Variants in LAMA3 observed in about 807,000 individuals in gnomAD.
LAMA3 encodes the protein laminin subunit alpha-3.
LAMA3 carries 281 observed loss-of-function variants against 402.0 expected under a neutral mutation model. The ratio of observed to expected loss-of-function variants is 0.70; its 90% CI spans 0.63 to 0.77. LAMA3 has a LOEUF of 0.77. LAMA3 is among the 30% of genes least tolerant of loss of function. The probability of loss-of-function intolerance (pLI) is 0.00; values close to 1 mark genes in which losing one functional copy is unlikely to be tolerated. For synonymous variants in LAMA3, 1,431 were observed against 1,558.4 expected (o/e 0.92, Z 1.93); for missense variants, 3,840 against 4,215.5 (o/e 0.91, Z 2.47).
chr18:23,776,057 A>C, intron 10 of LAMA3, 134 bp downstream of exon 10: 1 of 901,368 alleles, frequency 1.1e-6, no homozygotes, highest in Non-Finnish European at 1.8e-6. Flanking sequence ...TATTTATGTA[A>C]AAGTGTTTCT....
At chr18:23,778,796 C>T (rs2062376399) in intron 11 of LAMA3, among the ~76,000 whole-genome samples, 3 of 152,310 alleles carry the variant, frequency 2.0e-5, no homozygotes, top group Non-Finnish European at 2.9e-5. Context: ...TGCAGCGCCA[C>T]GGTGTGGGCC....
At chr18:23,898,419 CTG>C (rs777135700) in intron 44 of LAMA3, 1 of 292,694 alleles carries the variant, frequency 3.4e-6, no homozygotes, top group Non-Finnish European at 6.4e-6. Context: ...TTTTAAAAAA[CTG>C]TATTTATTAT....
At chr18:23,730,787 G>A (rs2061381695) in intron 2 of LAMA3, among the ~76,000 whole-genome samples, 3 of 151,938 alleles carry the variant, frequency 2.0e-5, no homozygotes, top group East Asian at 1.9e-4. Flanking sequence ...CTTAGAATAC[G>A]CTGTCCGGGC....
At chr18:23,812,886 T>C (rs1376527318) in intron 13 of LAMA3, among the ~76,000 whole-genome samples, 171 bp from the exon 14 acceptor site, 1 of 152,256 alleles carries the variant, frequency 6.6e-6, no homozygotes, top group Non-Finnish European at 1.5e-5. Context: ...GGACCATAAA[T>C]GTCATTCAAG....
At chr18:23,700,273 C>T (rs754147214) in intron 1 of LAMA3, among the ~76,000 whole-genome samples, 1 of 152,122 alleles carries the variant, frequency 6.6e-6, no homozygotes, top group African/African-American at 2.4e-5. Flanking sequence ...TCCAAGAACC[C>T]TCTTGGAGCC....
intron 1 of LAMA3, among the ~76,000 whole-genome samples, chr18:23,698,596 G>A (rs572375624): frequency 4.6e-5 from 7 of 152,292 alleles, no homozygotes; most frequent in South Asian, 2.1e-4. Context: ...TTAATTGACC[G>A]CTTTAACAGC....
At position 23,914,759 on chromosome 18, in the gene LAMA3, C is replaced by G. The variant is rs925791643; in HGVS notation, c.7543C>G (p.Pro2515Ala). ...AGCCACATCCAGTAAACCAGAAACACCCGGAGTCTATGACATGGATGGTAG... is the reference window on the plus strand; with the variant it reads ...AGCCACATCCAGTAAACCAGAAACAGCCGGAGTCTATGACATGGATGGTAG... Reference protein sequence around the residue: ...KGATSSKPETPGVYDMDGRNS... With the variant: ...KGATSSKPETAGVYDMDGRNS... Residue 2515 changes from proline to alanine, a missense_variant, in exon 58 of 75, where the codon CCC becomes GCC. Pro to Ala is a conservative substitution (Grantham distance 27). This residue lies in a region of LAMA3 where 891 missense variants were observed against 857.5 expected (regional missense o/e 1.04). Transcript: ENST00000313654. 8 of 1,613,310 alleles carry G rather than the reference C, an allele frequency of 5.0e-6. No homozygotes were observed. The highest frequency in any genetic ancestry group is 4.5e-5 in the East Asian group (2 of 44,892).
intron 12 of LAMA3, among the ~76,000 whole-genome samples, chr18:23,787,829 G>A (rs1237290928): frequency 2.0e-5 from 3 of 152,018 alleles, no homozygotes; most frequent in Non-Finnish European, 2.9e-5. Flanking sequence ...CATAATAAAG[G>A]ATGTTCTTAA....
At chr18:23,940,860 T>C (rs2082478408) in intron 68 of LAMA3, among the ~76,000 whole-genome samples, 1 of 152,008 alleles carries the variant, frequency 6.6e-6, no homozygotes, top group African/African-American at 2.4e-5. Context: ...TGGCTACTCC[T>C]TGGTAGGGAG....
chr18:23,869,220 C>T (rs1337768884), intron 37 of LAMA3, among the ~76,000 whole-genome samples: 1 of 152,142 alleles, frequency 6.6e-6, no homozygotes, highest in Non-Finnish European at 1.5e-5. Context: ...AAATGGCACA[C>T]AATGTATAAA....
chr18:23,815,884 T>G (rs2063166270), intron 17 of LAMA3, among the ~76,000 whole-genome samples: 1 of 152,206 alleles, frequency 6.6e-6, no homozygotes, highest in Non-Finnish European at 1.5e-5. Context: ...TATTTTATAT[T>G]ATCAAAAATG....
rs2143577235 is a variant in LAMA3 at position 23,751,238 on chromosome 18, A to G, written c.855+150A>G. 5 of 747,348 alleles carry G rather than the reference A, an allele frequency of 6.7e-6. No homozygotes were observed. The East Asian group carries it at 1.3e-4, about 20-fold the overall frequency. 46.3% of individuals were successfully genotyped at this position (747,348 alleles called of 1,614,324 possible). ...CTTATCTGAAATACTAGATATAATT[A>G]GGAGTTTATATCTAATGACTTATAA... On this transcript the variant is annotated intron_variant, in intron 5 of 74. Coordinates refer to ENST00000313654, the MANE Select transcript of LAMA3 (RefSeq NM_198129.4).
intron 13 of LAMA3, among the ~76,000 whole-genome samples, chr18:23,812,333 C>T (rs2063090496): frequency 6.6e-6 from 1 of 152,222 alleles, no homozygotes; most frequent in Middle Eastern, 3.4e-3. Context: ...CAGAGCAAGA[C>T]CCTGTCTCAA....
Position 23,747,997 on chromosome 18 carries a change from C to G in LAMA3, c.502C>G (p.Leu168Val). The G allele has an allele frequency of 6.2e-7, 1 of 1,613,754 alleles. No individual in the cohort carries two copies. Among genetic ancestry groups the G allele is most frequent in the Non-Finnish European group, 8.5e-7 (1 of 1,179,652 alleles). ...ATTTGCAAATTCTCCTCGCCCTGATCTTTGGGTCTTGGAAAGATCTGTAGA... is the reference window on the plus strand; with the variant it reads ...ATTTGCAAATTCTCCTCGCCCTGATGTTTGGGTCTTGGAAAGATCTGTAGA... Reference protein sequence around the residue: ...IKFANSPRPDLWVLERSVDFG... With the variant: ...IKFANSPRPDVWVLERSVDFG... The change falls in exon 3 of 75, where the codon CTT (leucine) becomes GTT (valine). Residue 168 changes from leucine (L) to valine (V), a missense_variant. Around this residue, in one of 3 missense-constraint regions of LAMA3, gnomAD observed 2,109 missense variants for 2,376.0 expected, o/e 0.89. Transcript: ENST00000313654.
At chr18:23,782,706 C>T (rs1476238800) in intron 11 of LAMA3, among the ~76,000 whole-genome samples, 3 of 151,598 alleles carry the variant, frequency 2.0e-5, no homozygotes, top group East Asian at 3.9e-4. Context: ...AGACCATGGG[C>T]TTTGAAATCT....
At chr18:23,768,020 A>C (rs1010716603) in intron 8 of LAMA3, among the ~76,000 whole-genome samples, 1 of 152,216 alleles carries the variant, frequency 6.6e-6, no homozygotes, top group Admixed American at 6.5e-5. Flanking sequence ...ACCTCAAACT[A>C]TAAGAATCCT....
intron 69 of LAMA3, among the ~76,000 whole-genome samples, chr18:23,945,016 C>T (rs2082657384): frequency 6.6e-6 from 1 of 152,060 alleles, no homozygotes; most frequent in East Asian, 1.9e-4. Context: ...ACCTGTAATC[C>T]CAGCTACTCA....
chr18:23,895,970 T>C (rs2080861947), intron 44 of LAMA3, among the ~76,000 whole-genome samples: 1 of 152,216 alleles, frequency 6.6e-6, no homozygotes, highest in South Asian at 2.1e-4. Context: ...TGCAATGTTA[T>C]GTTTTCATTC....
At chr18:23,740,591 G>C (rs978690803) in intron 2 of LAMA3, among the ~76,000 whole-genome samples, 7 of 152,066 alleles carry the variant, frequency 4.6e-5, no homozygotes, top group Non-Finnish European at 8.8e-5. Flanking sequence ...TTTGCCTCCT[G>C]CTGACTTGAA....
Sources: gnomAD v4.1 joint callset for allele counts (sites outside exome capture counted in the v4.1 genomes callset) on GRCh38, gnomAD v4.1.1 for gene constraint, gnomAD v4.1.1 regional missense constraint, MANE v1.5 for transcripts, NCBI Gene and HGNC (gene_info 2026-07-23, HGNC 2026-07-21) for gene names.